The following MTMR3 variants were observed in gnomAD, a reference collection of about 807,000 sequenced individuals.
MTMR3 encodes the protein myotubularin related protein 3.
MTMR3 carries 32 observed loss-of-function variants against 132.4 expected under a neutral mutation model. The observed-to-expected ratio is 0.24, with a 90% CI of 0.18 to 0.32. The LOEUF (loss-of-function observed/expected upper bound fraction) is 0.32. Ranked by LOEUF, MTMR3 falls within the 10% of genes least tolerant of loss-of-function variation. MTMR3 has a pLI of 1.00. For missense variants in MTMR3, 1,216 were observed against 1,489.6 expected (o/e 0.82, Z 3.02); for synonymous variants, 556 against 550.3 (o/e 1.01, Z -0.14).
At chr22:29,919,690 TA>T (rs879675613) in intron 1 of MTMR3, among the ~76,000 whole-genome samples, 241 of 139,996 alleles carry the variant, frequency 1.7e-3, no homozygotes, top group Middle Eastern at 0.011. Context: ...GCCTAGCTAA[TA>T]AAAAAAAAAA....
intron 5 of MTMR3, 168 bp downstream of exon 5, chr22:29,979,220 C>T (rs947003885): frequency 2.0e-5 from 10 of 499,328 alleles, no homozygotes; most frequent in South Asian, 1.0e-4. Context: ...TGGCCAGGCG[C>T]GGTGGCTCAC....
chr22:30,019,464 A>C lies in MTMR3; in HGVS notation c.1821-16A>C, dbSNP rs767397730. On this transcript the variant is annotated splice_polypyrimidine_tract_variant and intron_variant, in intron 16 of 19. Transcript: ENST00000401950. ...GTTTCCAAGATTTTCATTTCCCCCAAATTCCTTTCCTTTAGGCTACCAAAG... is the reference window on the plus strand; with the variant it reads ...GTTTCCAAGATTTTCATTTCCCCCACATTCCTTTCCTTTAGGCTACCAAAG... The C allele has an allele frequency of 7.0e-6, 11 of 1,577,398 alleles. No homozygotes were observed. The highest frequency in any genetic ancestry group is 1.4e-5 in the African/African-American group (1 of 73,866).
At chr22:29,917,329 A>G (rs891609907) in intron 1 of MTMR3, among the ~76,000 whole-genome samples, 1 of 152,182 alleles carries the variant, frequency 6.6e-6, no homozygotes, top group Non-Finnish European at 1.5e-5. Context: ...GATCCTTCGT[A>G]TAAGATTTTA....
At chr22:29,990,484 G>A (rs1386653034) in intron 6 of MTMR3, 2 of 152,102 alleles carry the variant, frequency 1.3e-5, no homozygotes, top group Admixed American at 6.6e-5. Flanking sequence ...GATAGATACT[G>A]GCTACAACTC....
In MTMR3 at chr22:29,978,973, T is replaced by G. The variant is rs1162433652; in HGVS notation, c.131T>G (p.Phe44Cys). The G allele has an allele frequency of 6.2e-7, 1 of 1,613,830 alleles. No homozygotes were observed. Among genetic ancestry groups the G allele is most frequent in the Non-Finnish European group, 8.5e-7 (1 of 1,179,920 alleles). Residue 44 changes from phenylalanine to cysteine, a missense_variant, in exon 5 of 20, where the codon TTT becomes TGT. This residue lies in a region of MTMR3 where 81 missense variants were observed against 87.7 expected (regional missense o/e 0.92). Transcript: ENST00000401950. ...FLELHGESTEFVGRAEDAIIA... is the reference protein window; with the variant it reads ...FLELHGESTECVGRAEDAIIA... ...GAACTTCATGGAGAGAGCACAGAGT[T>G]TGTGGGCCGTGCCGAGGATGCCATC... is the stretch of plus-strand genomic sequence containing the variant.
intron 1 of MTMR3, among the ~76,000 whole-genome samples, chr22:29,913,178 A>G (rs1337803064): frequency 6.6e-6 from 1 of 152,168 alleles, no homozygotes; most frequent in East Asian, 1.9e-4. Context: ...AGCCCAGGAC[A>G]TCAAGACAGC....
intron 8 of MTMR3, chr22:30,002,453 A>C (rs77479931): frequency 0.033 from 5,054 of 153,138 alleles, 115 homozygotes; most frequent in Non-Finnish European, 0.058. Flanking sequence ...TAGAACTGAC[A>C]CGGACTCTCA....
chr22:29,931,833 T>C (rs2065653294), intron 1 of MTMR3, among the ~76,000 whole-genome samples: 2 of 151,456 alleles, frequency 1.3e-5, no homozygotes, highest in Admixed American at 6.6e-5. Flanking sequence ...AAGGAGTATG[T>C]CTAACCTGAT....
chr22:29,970,901 G>T (rs2066520017), intron 2 of MTMR3, 75 bp from the exon 3 acceptor site: 1 of 639,438 alleles, frequency 1.6e-6, no homozygotes. Flanking sequence ...GGCCGATTAG[G>T]GGAAAAACTA....
chr22:29,967,431 T>C (rs1319325088), intron 2 of MTMR3, among the ~76,000 whole-genome samples: 1 of 151,502 alleles, frequency 6.6e-6, no homozygotes, highest in African/African-American at 2.4e-5. Flanking sequence ...ACAGTCTTGC[T>C]ATGTTGCCCA....
At position 30,012,467 on chromosome 22, in the gene MTMR3, G is replaced by A. The variant is rs781306562; in HGVS notation, c.1221G>A (p.Arg407=). The A allele has an allele frequency of 1.2e-6, 2 of 1,614,120 alleles. No individual in the cohort carries two copies. The highest frequency in any genetic ancestry group is 1.7e-6 in the Non-Finnish European group (2 of 1,180,020). Residue 407 remains arginine (R), a synonymous_variant, in exon 13 of 20, where the codon CGG becomes CGA. Coordinates refer to ENST00000401950, the MANE Select transcript of MTMR3 (RefSeq NM_021090.4). ...TGCATGCTGTGGATCAGGATCAGCG[G>A]CCGGTGCTAGTACACTGCTCAGATG... The part of the protein sequence containing the change: ...LVVHAVDQDQ[R]PVLVHCSDGW...
intron 1 of MTMR3, among the ~76,000 whole-genome samples, chr22:29,945,343 T>C (rs1014647774): frequency 1.7e-4 from 26 of 152,094 alleles, no homozygotes; most frequent in Admixed American, 6.6e-4. Flanking sequence ...TAGTAAGCAT[T>C]ATAAATAAGA....
chr22:29,883,843 T>C (rs1367347464), intron 1 of MTMR3, among the ~76,000 whole-genome samples: 1 of 151,950 alleles, frequency 6.6e-6, no homozygotes, highest in Non-Finnish European at 1.5e-5. Flanking sequence ...CTGGGCCTTG[T>C]GGAAAGGAGG....
chr22:29,979,076 C>T, intron 5 of MTMR3, 24 bp downstream of exon 5: 1 of 1,464,238 alleles, frequency 6.8e-7, no homozygotes, highest in Non-Finnish European at 9.6e-7. Context: ...AGCTGTTCTC[C>T]CTCTAAGGTA....
chr22:29,947,269 G>A (rs1235867302), intron 1 of MTMR3, among the ~76,000 whole-genome samples: 1 of 151,980 alleles, frequency 6.6e-6, no homozygotes, highest in Non-Finnish European at 1.5e-5. Context: ...GATTGACTTT[G>A]GAAATGTAAT....
intron 1 of MTMR3, among the ~76,000 whole-genome samples, chr22:29,891,920 C>T (rs2064806936): frequency 6.6e-6 from 1 of 151,692 alleles, no homozygotes; most frequent in Non-Finnish European, 1.5e-5. Flanking sequence ...TTTGGGAGGC[C>T]AAGGCAGACG....
chr22:29,957,997 A>G (rs1416270644), intron 2 of MTMR3, among the ~76,000 whole-genome samples: 1 of 152,094 alleles, frequency 6.6e-6, no homozygotes, highest in Non-Finnish European at 1.5e-5. Flanking sequence ...AAAACTATAT[A>G]TATATATATG....
chr22:29,978,924 T>G lies in MTMR3; in HGVS notation c.94-12T>G. 6.3e-7 allele frequency: 1 copy of G among 1,596,948 alleles called. No individual in the cohort carries two copies. The highest frequency in any genetic ancestry group is 8.6e-7 in the Non-Finnish European group (1 of 1,165,658). ...TGCTTCAGAACTCTGAAGGGTTTCT[T>G]TCATTTCGAAGGTTCCTTTCCTTGA... On this transcript the variant is annotated splice_polypyrimidine_tract_variant and intron_variant, in intron 4 of 19. Coordinates refer to ENST00000401950, the MANE Select transcript of MTMR3 (RefSeq NM_021090.4).
At position 29,906,043 on chromosome 22, in the gene MTMR3, T is replaced by TG. The variant is rs536352789; in HGVS notation, c.-138+22688dup. ...CATTTTTTTTGTTTTTCTTTTGAGG[T>TG]GGGGTTCTCATTGTGTTTTCTACGC... is the stretch of plus-strand genomic sequence containing the variant. On this transcript the variant is annotated intron_variant, in intron 1 of 19. Transcript: ENST00000401950. Among the ~76,000 whole-genome samples the TG allele has an allele frequency of 1.7e-3, 255 of 152,034 alleles. 2 individuals carry two copies. Among genetic ancestry groups the TG allele is most frequent in the Middle Eastern group, 0.014 (4 of 294 alleles).
Sources: gnomAD v4.1 joint callset for allele counts (sites outside exome capture counted in the v4.1 genomes callset) on GRCh38, gnomAD v4.1.1 for gene constraint, gnomAD v4.1.1 regional missense constraint, MANE v1.5 for transcripts, NCBI Gene and HGNC (gene_info 2026-07-23, HGNC 2026-07-21) for gene names.